The following PCCA variants were observed in gnomAD, a reference collection of about 807,000 sequenced individuals.
The protein encoded by PCCA is propionyl-CoA carboxylase subunit alpha.
A neutral mutation model predicts 101.3 loss-of-function variants in PCCA; 74 were observed. The observed-to-expected ratio is 0.73, with a 90% confidence interval of 0.61 to 0.89. PCCA has a LOEUF of 0.89. Ranked by LOEUF, PCCA falls within the 40% of genes least tolerant of loss-of-function variation. The probability of loss-of-function intolerance (pLI) is 0.00; values close to 1 mark genes in which losing one functional copy is unlikely to be tolerated. For synonymous variants in PCCA, 294 were observed against 313.6 expected, an observed-to-expected ratio of 0.94 and a Z score of 0.66; for missense variants, 891 against 907.0, an observed-to-expected ratio of 0.98 and a Z score of 0.23.
intron 18 of PCCA, among the ~76,000 whole-genome samples, chr13:100,366,411 T>C (rs1184450822): frequency 6.6e-6 from 1 of 152,116 alleles, no homozygotes; most frequent in African/African-American, 2.4e-5. Flanking sequence ...TTTCTACTTA[T>C]CCCTCATCTC....
intron 8 of PCCA, among the ~76,000 whole-genome samples, chr13:100,246,998 T>C (rs2061471060): frequency 6.7e-6 from 1 of 150,042 alleles, no homozygotes; most frequent in South Asian, 2.1e-4. Context: ...AACCTCCGCC[T>C]CCCGGGTTCA....
Position 100,368,469 on chromosome 13 carries a change from C to G in PCCA, c.1644-3C>G. The G allele has an allele frequency of 6.7e-7, 1 of 1,484,744 alleles. No individual in the cohort carries two copies. The highest frequency in any genetic ancestry group is 1.1e-5 in the South Asian group (1 of 87,604). The allele number at this position is 1,484,744 out of a possible 1,614,324, so 92.0% of individuals were successfully genotyped here. ...AACTCTTTTTCTTTTCATTCTACTT[C>G]AGAATGCCTGTTATTAAACCAGACA... On this transcript the variant is annotated splice_region_variant and splice_polypyrimidine_tract_variant and intron_variant, in intron 18 of 23. Transcript: ENST00000376285.
chr13:100,157,193 A>G, intron 5 of PCCA, 94 bp from the exon 6 acceptor site: 3 of 797,840 alleles, frequency 3.8e-6, no homozygotes, highest in Non-Finnish European at 6.5e-6. Context: ...GCTCTTGAAC[A>G]GTAAATATTA....
At chr13:100,396,682 A>T (rs114680113) in intron 19 of PCCA, among the ~76,000 whole-genome samples, 1 of 152,234 alleles carries the variant, frequency 6.6e-6, no homozygotes, top group Non-Finnish European at 1.5e-5. Context: ...ATGTGCCAAC[A>T]TATATTAGCA....
Position 100,264,216 on chromosome 13 carries a change from C to A in PCCA, c.819+1385C>A, listed in dbSNP as rs374697570. On this transcript the variant is annotated intron_variant, in intron 10 of 23. Coordinates refer to ENST00000376285, the MANE Select transcript of PCCA (RefSeq NM_000282.4). ...TATATCATATATGTGATATCTGTAT[C>A]TCATATATATGTGATATCTGTATAT... Among the ~76,000 whole-genome samples the A allele has an allele frequency of 1.9e-3, 200 of 103,436 alleles. 17 individuals carry two copies. The highest frequency in any genetic ancestry group is 0.014 in the Middle Eastern group (2 of 140). 67.9% of individuals were successfully genotyped at this position (103,436 alleles called of 152,430 possible). A position where few individuals can be genotyped will look rare whatever the true frequency, so the allele number is the denominator to read the frequency against.
chr13:100,100,111 C>T (rs1293652375), intron 1 of PCCA, among the ~76,000 whole-genome samples: 1 of 152,082 alleles, frequency 6.6e-6, no homozygotes, highest in Non-Finnish European at 1.5e-5. Context: ...TTTAATAACT[C>T]CCTAGGAAAT....
At chr13:100,252,069 G>A (rs529075809) in intron 8 of PCCA, among the ~76,000 whole-genome samples, 166 of 152,228 alleles carry the variant, frequency 1.1e-3, no homozygotes, top group African/African-American at 3.7e-3. Flanking sequence ...AAAGCAATGC[G>A]TACTATCTAT....
chr13:100,530,161 G>GAATGAAGTTATA lies in PCCA; in HGVS notation c.*2_*3insTTATAAATGAAG, dbSNP rs1185631409. On this transcript the variant is annotated stop_gained and inframe_insertion, in exon 24 of 24. Transcript: ENST00000376285. LOFTEE classifies it high-confidence loss of function. Reference sequence around the variant, plus strand: ...AGAAGGGGATCTGCTCGTGGAGCTGGAATGAAGGATTTATAACCTTTCAGT... The same window carrying GAATGAAGTTATA: ...AGAAGGGGATCTGCTCGTGGAGCTGGAATGAAGTTATAAATGAAGGATTTATAACCTTTCAGT... The GAATGAAGTTATA allele has an allele frequency of 6.2e-7, 1 of 1,612,746 alleles. No individual in the cohort carries two copies.
At chr13:100,183,573 G>C (rs1040144575) in intron 6 of PCCA, among the ~76,000 whole-genome samples, 1 of 152,158 alleles carries the variant, frequency 6.6e-6, no homozygotes, top group Non-Finnish European at 1.5e-5. Flanking sequence ...GCTTCATGAC[G>C]AAGGTGGCAT....
intron 18 of PCCA, among the ~76,000 whole-genome samples, chr13:100,363,163 C>T (rs555718778): frequency 1.3e-3 from 192 of 151,698 alleles, no homozygotes; most frequent in African/African-American, 4.5e-3. Flanking sequence ...CTTAACTATT[C>T]CTCCATCTCA....
At chr13:100,417,319 CT>C (rs1158269738) in intron 19 of PCCA, among the ~76,000 whole-genome samples, 1 of 152,194 alleles carries the variant, frequency 6.6e-6, no homozygotes, top group Admixed American at 6.5e-5. Flanking sequence ...AGCATTTAGC[CT>C]TTAAGTGACG....
intron 14 of PCCA, among the ~76,000 whole-genome samples, chr13:100,306,913 G>C (rs1051028738): frequency 2.0e-5 from 3 of 152,196 alleles, no homozygotes; most frequent in Non-Finnish European, 4.4e-5. Context: ...CACCATCAGA[G>C]AGCCACAGCA....
Position 100,479,992 on chromosome 13 carries a change from C to T in PCCA, c.1899+30687C>T, listed in dbSNP as rs1467371239. ...TCTTGATTCCTGACTCAGGAGCACC[C>T]ATTACAGAAAAGCCCTGGGACTAGA... is the stretch of plus-strand genomic sequence containing the variant. On this transcript the variant is annotated intron_variant, in intron 21 of 23. Transcript: ENST00000376285. 2.6e-5 allele frequency among the ~76,000 whole-genome samples: 4 copies of T among 152,140 alleles called. No homozygotes were observed. In the East Asian group the frequency reaches 5.8e-4, roughly 22 times the overall value.
chr13:100,234,377 G>C (rs576055523), intron 7 of PCCA, among the ~76,000 whole-genome samples: 1 of 151,668 alleles, frequency 6.6e-6, no homozygotes, highest in East Asian at 1.9e-4. Flanking sequence ...AGTAAACCTT[G>C]ATTTTGGAAG....
At chr13:100,455,099 C>A (rs916818330) in intron 21 of PCCA, among the ~76,000 whole-genome samples, 1 of 151,828 alleles carries the variant, frequency 6.6e-6, no homozygotes, top group Non-Finnish European at 1.5e-5. Flanking sequence ...TCAAATACAT[C>A]AAAAAAGTAA....
At chr13:100,209,690 G>A (rs1051546265) in intron 7 of PCCA, among the ~76,000 whole-genome samples, 1 of 152,032 alleles carries the variant, frequency 6.6e-6, no homozygotes, top group Non-Finnish European at 1.5e-5. Flanking sequence ...GGAGTGCAAT[G>A]ATGCAATCTC....
chr13:100,264,173 G>GTATATATATGGTATCTGTATATCA lies in PCCA; in HGVS notation c.819+1349_819+1350insATGGTATCTGTATATCATATATAT, dbSNP rs1566823233. On this transcript the variant is annotated intron_variant, in intron 10 of 23. Coordinates refer to ENST00000376285, the MANE Select transcript of PCCA (RefSeq NM_000282.4). ...CGTATATATATGGTATCTGTATATC[G>GTATATATATGGTATCTGTATATCA]TATATATGTGATATCTGTATATCAT... Among the ~76,000 whole-genome samples the GTATATATATGGTATCTGTATATCA allele has an allele frequency of 2.1e-4, 22 of 103,428 alleles. 2 individuals carry two copies. The highest frequency in any genetic ancestry group is 7.3e-4 in the African/African-American group (21 of 28,770). 67.9% of individuals were successfully genotyped at this position (103,428 alleles called of 152,430 possible). A position where few individuals can be genotyped will look rare whatever the true frequency, so the allele number is the denominator to read the frequency against.
At chr13:100,164,239 T>G (rs2054803969) in intron 6 of PCCA, among the ~76,000 whole-genome samples, 1 of 152,170 alleles carries the variant, frequency 6.6e-6, no homozygotes, top group African/African-American at 2.4e-5. Flanking sequence ...GGGTCTTCAG[T>G]ATATCCAAGG....
At chr13:100,325,915 G>C (rs2068625620) in intron 16 of PCCA, among the ~76,000 whole-genome samples, 1 of 152,070 alleles carries the variant, frequency 6.6e-6, no homozygotes, top group Non-Finnish European at 1.5e-5. Flanking sequence ...GTGTCGAAGT[G>C]GCCTGCTTCT....
Sources: allele counts gnomAD v4.1 joint callset (sites outside exome capture counted in the v4.1 genomes callset), GRCh38; gene constraint gnomAD v4.1.1; transcripts MANE v1.5; gene names NCBI Gene and HGNC (gene_info 2026-07-23, HGNC 2026-07-21).